The following AFF3 variants were observed in gnomAD, a reference collection of about 807,000 sequenced individuals.
AFF3 encodes ALF transcription elongation factor 3.
AFF3 carries 32 observed loss-of-function variants against 129.7 expected under a neutral mutation model. The ratio of observed to expected loss-of-function variants is 0.25; its 90% CI spans 0.19 to 0.33. The LOEUF is 0.33. Among genes scored for constraint, AFF3 ranks in the 10% least tolerant of loss-of-function variants. The probability of loss-of-function intolerance (pLI) is 1.00; values close to 1 mark genes in which losing one functional copy is unlikely to be tolerated. For missense variants in AFF3, 1,373 were observed against 1,592.0 expected (o/e 0.86, Z 2.34); for synonymous variants, 644 against 635.4 (o/e 1.01, Z -0.20).
intron 4 of AFF3, among the ~76,000 whole-genome samples, chr2:100,024,735 C>T (rs774347317): frequency 1.6e-4 from 24 of 151,980 alleles, no homozygotes; most frequent in Admixed American, 7.9e-4. Flanking sequence ...GTAGACATTG[C>T]ACTGGATGGA....
intron 4 of AFF3, among the ~76,000 whole-genome samples, chr2:100,073,596 C>CA (rs1688369247): frequency 6.6e-6 from 1 of 152,162 alleles, no homozygotes; most frequent in South Asian, 2.1e-4. Context: ...TGAAATTCAA[C>CA]AAAATGTGTT....
chr2:100,035,960 G>A (rs1391522234), intron 4 of AFF3, among the ~76,000 whole-genome samples: 1 of 151,938 alleles, frequency 6.6e-6, no homozygotes, highest in East Asian at 1.9e-4. Context: ...GGTGGTGGAA[G>A]CAATGAGGCT....
intron 2 of AFF3, among the ~76,000 whole-genome samples, chr2:100,118,959 C>G (rs1472073640): frequency 6.6e-6 from 1 of 152,122 alleles, no homozygotes; most frequent in Non-Finnish European, 1.5e-5. Flanking sequence ...CGCCACCACA[C>G]CCAGCTAATT....
chr2:100,024,638 T>C (rs1683890834), intron 4 of AFF3, among the ~76,000 whole-genome samples: 1 of 151,622 alleles, frequency 6.6e-6, no homozygotes, highest in Admixed American at 6.6e-5. Context: ...ATTATTATTA[T>C]AAAACAAAAA....
chr2:100,024,638 TA>T (rs1683891349), intron 4 of AFF3, among the ~76,000 whole-genome samples: 1 of 151,622 alleles, frequency 6.6e-6, no homozygotes, highest in African/African-American at 2.4e-5. Context: ...ATTATTATTA[TA>T]AAACAAAAAT....
chr2:99,653,029 G>A (rs1685413787), intron 12 of AFF3, among the ~76,000 whole-genome samples: 1 of 152,184 alleles, frequency 6.6e-6, no homozygotes, highest in Non-Finnish European at 1.5e-5. Context: ...CTTCCATGGA[G>A]CCAGCGCAGA....
intron 7 of AFF3, among the ~76,000 whole-genome samples, chr2:99,857,326 G>A (rs1164180735): frequency 6.6e-6 from 1 of 152,168 alleles, no homozygotes; most frequent in African/African-American, 2.4e-5. Flanking sequence ...GTGATCAATT[G>A]TCACAGTTTG....
At chr2:99,553,374 C>T (rs1674586419) in intron 24 of AFF3, among the ~76,000 whole-genome samples, 1 of 152,144 alleles carries the variant, frequency 6.6e-6, no homozygotes, top group South Asian at 2.1e-4. Context: ...TTCCTTATCT[C>T]ATCCTGAACA....
At chr2:100,107,260 A>G (rs374766410) in intron 2 of AFF3, 4 of 985,394 alleles carry the variant, frequency 4.1e-6, no homozygotes, top group East Asian at 1.1e-4. Flanking sequence ...AATGTAGAAC[A>G]GTTAGTGAGA....
At chr2:100,121,858 C>T (rs1015854151) in intron 2 of AFF3, among the ~76,000 whole-genome samples, 36 of 151,232 alleles carry the variant, frequency 2.4e-4, no homozygotes, top group African/African-American at 7.8e-4. Flanking sequence ...GTCAGGAGAT[C>T]GAGACCATCC....
intron 7 of AFF3, among the ~76,000 whole-genome samples, chr2:99,954,286 G>T (rs1239613646): frequency 1.3e-5 from 2 of 151,972 alleles, no homozygotes; most frequent in African/African-American, 4.8e-5. Flanking sequence ...GCATTGTTTG[G>T]GTTTTTCTAT....
chr2:99,777,954 A>C (rs1388560920), intron 8 of AFF3, among the ~76,000 whole-genome samples: 3 of 150,852 alleles, frequency 2.0e-5, no homozygotes, highest in African/African-American at 4.9e-5. Context: ...AAGCAAAAAA[A>C]AAAAAAAAAA....
chr2:99,630,589 G>C (rs1457973705), intron 13 of AFF3: 1 of 152,660 alleles, frequency 6.6e-6, no homozygotes, highest in African/African-American at 2.4e-5. Flanking sequence ...AATTTATAAA[G>C]AAACAAATTT....
intron 10 of AFF3, among the ~76,000 whole-genome samples, chr2:99,739,682 T>A (rs192616295): frequency 3.3e-5 from 5 of 152,328 alleles, no homozygotes; most frequent in Admixed American, 3.3e-4. Context: ...GTATCTATAA[T>A]ACAGTCTTTC....
chr2:99,849,222 T>C (rs992338345), intron 7 of AFF3, among the ~76,000 whole-genome samples: 1 of 152,102 alleles, frequency 6.6e-6, no homozygotes, highest in Admixed American at 6.6e-5. Context: ...GAGAATGTTT[T>C]AACCACTTTA....
At chr2:99,756,890 A>C (rs1682145657) in intron 8 of AFF3, among the ~76,000 whole-genome samples, 1 of 152,166 alleles carries the variant, frequency 6.6e-6, no homozygotes, top group Non-Finnish European at 1.5e-5. Context: ...AATACCTGTG[A>C]ACTCATGACC....
intron 2 of AFF3, among the ~76,000 whole-genome samples, chr2:100,124,608 C>G (rs1692109926): frequency 6.7e-6 from 1 of 149,702 alleles, no homozygotes; most frequent in Admixed American, 6.7e-5. Context: ...AAGAAATTTA[C>G]AACATGGCAA....
intron 11 of AFF3, among the ~76,000 whole-genome samples, chr2:99,681,103 C>T (rs1674483435): frequency 6.6e-6 from 1 of 152,024 alleles, no homozygotes; most frequent in African/African-American, 2.4e-5. Context: ...GGAGCTGATT[C>T]ATGGGCCTCA....
At chr2:99,847,851 C>G (rs1419749637) in intron 7 of AFF3, among the ~76,000 whole-genome samples, 2 of 152,182 alleles carry the variant, frequency 1.3e-5, no homozygotes, top group Non-Finnish European at 2.9e-5. Context: ...TATCCTCATT[C>G]TAAAGCCTCT....
Sources: gnomAD v4.1 joint callset for allele counts (sites outside exome capture counted in the v4.1 genomes callset) on GRCh38, gnomAD v4.1.1 for gene constraint, MANE v1.5 for transcripts, NCBI Gene and HGNC (gene_info 2026-07-23, HGNC 2026-07-21) for gene names.